LRP5: variants seen among roughly 807,000 people sequenced by gnomAD.
LRP5 encodes the protein LDL receptor related protein 5, also known as low-density lipoprotein receptor-related protein 5.
A neutral mutation model predicts 154.1 loss-of-function variants in LRP5; 62 were observed. The ratio of observed to expected loss-of-function variants is 0.40; its 90% CI spans 0.33 to 0.50. LRP5 has a LOEUF of 0.50. Among genes scored for constraint, LRP5 ranks in the 20% least tolerant of loss-of-function variants. The pLI is 0.55. For missense variants in LRP5, 1,915 were observed against 2,336.7 expected (o/e 0.82, Z 3.72); for synonymous variants, 966 against 1,011.5 (o/e 0.96, Z 0.85).
intron 2 of LRP5, 34 bp from the exon 3 acceptor site, chr11:68,357,616 G>A (rs1357920738): frequency 7.5e-6 from 12 of 1,598,882 alleles, no homozygotes; most frequent in Non-Finnish European, 1.0e-5. Flanking sequence ...ACAGATCTGT[G>A]TTAGCTGCTT....
chr11:68,430,419 A>T (rs1591318479), intron 17 of LRP5, among the ~76,000 whole-genome samples: 2 of 152,198 alleles, frequency 1.3e-5, no homozygotes, highest in South Asian at 4.2e-4. Flanking sequence ...TGATCCGCCC[A>T]CCTCGGCCTC....
chr11:68,425,145 G>T lies in LRP5; in HGVS notation c.3280G>T (p.Glu1094Ter). Residue 1094 changes from glutamate (E) to a stop codon, truncating the protein, a stop_gained, in exon 15 of 23, where the codon GAA becomes TAA. Coordinates refer to ENST00000294304, the MANE Select transcript of LRP5 (RefSeq NM_002335.4). LOFTEE classifies it high-confidence loss of function. Reference protein sequence around the residue: ...TNMQDRAAKIERAALDGTERE... With the variant: ...TNMQDRAAKI ...CATGCAGGACCGGGCAGCCAAGATC[G>T]AACGCGCAGCCCTGGACGGCACCGA... 2 of 1,613,704 alleles carry T rather than the reference G, an allele frequency of 1.2e-6. No homozygotes were observed. The highest frequency in any genetic ancestry group is 1.7e-6 in the Non-Finnish European group (2 of 1,179,914).
At chr11:68,425,744 C>T (rs1193726287) in intron 15 of LRP5, among the ~76,000 whole-genome samples, 1 of 151,460 alleles carries the variant, frequency 6.6e-6, no homozygotes, top group African/African-American at 2.4e-5. Flanking sequence ...CGAGGCCCGC[C>T]GTTGGAACTG....
At chr11:68,399,081 G>T (rs1267682932) in intron 7 of LRP5, among the ~76,000 whole-genome samples, 1 of 152,092 alleles carries the variant, frequency 6.6e-6, no homozygotes, top group Non-Finnish European at 1.5e-5. Context: ...AGCGATTTGG[G>T]AGGCTGAGGT....
intron 22 of LRP5, 149 bp from the exon 23 acceptor site, chr11:68,448,660 C>A: frequency 3.2e-6 from 3 of 947,576 alleles, no homozygotes; most frequent in Non-Finnish European, 4.9e-6. Context: ...TGAGCCCTGG[C>A]GACACAGCGG....
intron 7 of LRP5, among the ~76,000 whole-genome samples, chr11:68,392,396 C>T (rs1326595654): frequency 6.6e-6 from 1 of 151,934 alleles, no homozygotes; most frequent in Non-Finnish European, 1.5e-5. Flanking sequence ...CCCAGCTACT[C>T]GGGAGGCTGA....
intron 5 of LRP5, among the ~76,000 whole-genome samples, chr11:68,380,731 T>C (rs638642): frequency 0.97 from 148,124 of 152,316 alleles, 72,090 homozygotes; most frequent in East Asian, 1. Context: ...GCAGTGCCAA[T>C]GCTGGTGGGT....
intron 21 of LRP5, among the ~76,000 whole-genome samples, chr11:68,440,798 C>T (rs916372159): frequency 1.3e-5 from 2 of 151,900 alleles, no homozygotes; most frequent in Admixed American, 1.3e-4. Flanking sequence ...CGGAGTTTCA[C>T]TTTTGTTGCC....
chr11:68,362,377 A>G (rs192979078), intron 3 of LRP5, among the ~76,000 whole-genome samples: 170 of 152,300 alleles, frequency 1.1e-3, no homozygotes, highest in Non-Finnish European at 2.0e-3. Context: ...AGGTAACACT[A>G]TTCACTTTAA....
chr11:68,329,676 A>T (rs1286700437), intron 1 of LRP5, among the ~76,000 whole-genome samples: 1 of 151,972 alleles, frequency 6.6e-6, no homozygotes, highest in Non-Finnish European at 1.5e-5. Flanking sequence ...TCCCATATGA[A>T]CCTGAGTGGC....
chr11:68,390,076 G>A, intron 7 of LRP5, 24 bp downstream of exon 7: 1 of 1,613,324 alleles, frequency 6.2e-7, no homozygotes, highest in African/African-American at 1.3e-5. Context: ...GGACATGTTT[G>A]ATCCAGGAGG....
chr11:68,421,708 G>GTGTGTGTGTT (rs1174711939), intron 13 of LRP5, among the ~76,000 whole-genome samples: 1 of 150,158 alleles, frequency 6.7e-6, no homozygotes, highest in African/African-American at 2.4e-5. Flanking sequence ...GTGTGTGTGT[G>GTGTGTGTGTT]TGTGTGTGTG....
At chr11:68,384,685 A>T (rs948304808) in intron 5 of LRP5, among the ~76,000 whole-genome samples, 19 of 152,112 alleles carry the variant, frequency 1.2e-4, no homozygotes, top group Non-Finnish European at 2.6e-4. Flanking sequence ...CACAGTCAGA[A>T]ATGCTGATAC....
chr11:68,348,300 C>A, intron 2 of LRP5, 57 bp downstream of exon 2: 1 of 1,592,618 alleles, frequency 6.3e-7, no homozygotes, highest in South Asian at 1.1e-5. Flanking sequence ...CACCATCTCT[C>A]TCTCGAATTT....
At chr11:68,352,312 T>C (rs758118654) in intron 2 of LRP5, among the ~76,000 whole-genome samples, 1 of 152,206 alleles carries the variant, frequency 6.6e-6, no homozygotes, top group Non-Finnish European at 1.5e-5. Flanking sequence ...ACGGTGCCAC[T>C]CTGTGCCTCA....
At chr11:68,321,242 C>T (rs926115395) in intron 1 of LRP5, among the ~76,000 whole-genome samples, 19 of 152,130 alleles carry the variant, frequency 1.2e-4, no homozygotes, top group Non-Finnish European at 2.4e-4. Context: ...GCTCCACTGC[C>T]TGTGAGTGTC....
At chr11:68,435,886 C>T (rs748511347) in intron 18 of LRP5, among the ~76,000 whole-genome samples, 3 of 152,120 alleles carry the variant, frequency 2.0e-5, no homozygotes, top group Admixed American at 6.6e-5. Context: ...CCACCACACC[C>T]GGCTAATTTT....
chr11:68,316,041 T>C, intron 1 of LRP5, among the ~76,000 whole-genome samples: 1 of 152,026 alleles, frequency 6.6e-6, no homozygotes, highest in Non-Finnish European at 1.5e-5. Context: ...TATCAAGTTA[T>C]AAGAGATTTC....
chr11:68,379,564 T>TA (rs1387172891), intron 5 of LRP5, among the ~76,000 whole-genome samples: 1 of 152,264 alleles, frequency 6.6e-6, no homozygotes, highest in Non-Finnish European at 1.5e-5. Context: ...ACTGAGAAGT[T>TA]ACCAATTTCC....
Sources: gnomAD v4.1 joint callset for allele counts (sites outside exome capture counted in the v4.1 genomes callset) on GRCh38, gnomAD v4.1.1 for gene constraint, MANE v1.5 for transcripts, NCBI Gene and HGNC (gene_info 2026-07-23, HGNC 2026-07-21) for gene names.